Variants in KIAA1958 observed in about 807,000 individuals in gnomAD.
The protein encoded by KIAA1958 is KIAA1958.
KIAA1958 carries 14 observed loss-of-function variants against 47.2 expected under a neutral mutation model. The ratio of observed to expected loss-of-function variants is 0.30; its 90% CI spans 0.20 to 0.46. The LOEUF (loss-of-function observed/expected upper bound fraction) is 0.46. Ranked by LOEUF, KIAA1958 falls within the 20% of genes least tolerant of loss-of-function variation. The pLI, the probability that KIAA1958 is intolerant of heterozygous loss-of-function variation, is 1.00. For missense variants in KIAA1958, 803 were observed against 909.2 expected (o/e 0.88, Z 1.50); for synonymous variants, 354 against 353.3 (o/e 1.00, Z -0.02).
intron 2 of KIAA1958, among the ~76,000 whole-genome samples, chr9:112,640,182 C>T (rs1021034629): frequency 1.3e-5 from 2 of 152,170 alleles, no homozygotes; most frequent in African/African-American, 4.8e-5. Flanking sequence ...ATTTAAAGTT[C>T]TGCTAGCCAG....
chr9:112,613,605 A>G (rs1468770250), intron 2 of KIAA1958, among the ~76,000 whole-genome samples: 3 of 147,816 alleles, frequency 2.0e-5, no homozygotes, highest in Non-Finnish European at 4.5e-5. Flanking sequence ...CATATCTAGA[A>G]TATGTTAAAA....
intron 2 of KIAA1958, among the ~76,000 whole-genome samples, chr9:112,626,711 C>T (rs1349709422): frequency 2.6e-5 from 4 of 151,840 alleles, no homozygotes; most frequent in Admixed American, 6.6e-5. Context: ...TATTAACCCA[C>T]TCAGATTAAC....
At chr9:112,621,128 GAC>G (rs1414593342) in intron 2 of KIAA1958, among the ~76,000 whole-genome samples, 2 of 152,172 alleles carry the variant, frequency 1.3e-5, no homozygotes, top group Non-Finnish European at 2.9e-5. Flanking sequence ...CAGAGCTGGG[GAC>G]ACAGTGTCTT....
chr9:112,551,580 A>G lies in KIAA1958; in HGVS notation c.-24-22477A>G, dbSNP rs182372612. On this transcript the variant is annotated intron_variant, in intron 1 of 3. Transcript: ENST00000337530. ...AATTGAAACTGTGCTAATCCTTAAA[A>G]TGTAAAAGAAGTGACTTGAGTACTC... Among the ~76,000 whole-genome samples, 166 of 152,384 alleles carry G rather than the reference A, an allele frequency of 1.1e-3. 1 individual carries two copies. The highest frequency in any genetic ancestry group is 3.9e-3 in the African/African-American group (161 of 41,600).
rs764041099 is a variant in KIAA1958 at position 112,618,901 on chromosome 9, C to A, written c.1172-26749C>A. 2.0e-6 allele frequency: 3 copies of A among 1,537,462 alleles called. No homozygotes were observed. Among genetic ancestry groups the A allele is most frequent in the Non-Finnish European group, 8.8e-7 (1 of 1,137,442 alleles). ...TCGTCTCCGCCTCCTATGACTCTTC[C>A]TCAGACACCGCTTGACCAGGTGGCT... is the stretch of plus-strand genomic sequence containing the variant. On this transcript the variant is annotated intron_variant, in intron 2 of 3. Transcript: ENST00000337530. This position sits in a 1 kb window ranked among gnomAD's most constrained non-coding sequence, Gnocchi z 7.1.
chr9:112,637,730 A>G (rs1836827934), intron 2 of KIAA1958, among the ~76,000 whole-genome samples: 1 of 151,972 alleles, frequency 6.6e-6, no homozygotes, highest in African/African-American at 2.4e-5. Flanking sequence ...ACTTGTAGCA[A>G]TTTTCTTTTA....
intron 1 of KIAA1958, among the ~76,000 whole-genome samples, chr9:112,551,984 T>C (rs1276576455): frequency 6.6e-6 from 1 of 152,210 alleles, no homozygotes; most frequent in Non-Finnish European, 1.5e-5. Flanking sequence ...AGTCTCATGT[T>C]TCCAGCATCT....
At chr9:112,565,623 T>C (rs1835415156) in intron 1 of KIAA1958, among the ~76,000 whole-genome samples, 1 of 152,220 alleles carries the variant, frequency 6.6e-6, no homozygotes, top group Non-Finnish European at 1.5e-5. Context: ...AATACCTTGA[T>C]TGTCTTATTG....
chr9:112,515,271 C>A (rs1276245797), intron 1 of KIAA1958, among the ~76,000 whole-genome samples: 1 of 112,674 alleles, frequency 8.9e-6, no homozygotes, highest in Non-Finnish European at 1.9e-5. Flanking sequence ...GGGGGGTCAG[C>A]CCCCCTGCCC....
intron 2 of KIAA1958, among the ~76,000 whole-genome samples, chr9:112,607,359 C>T (rs1053226619): frequency 2.0e-5 from 3 of 151,348 alleles, no homozygotes; most frequent in Non-Finnish European, 4.4e-5. Flanking sequence ...AAAAAAAAGG[C>T]GTGGGAATGT....
chr9:112,599,880 A>G (rs1836100452), intron 2 of KIAA1958, among the ~76,000 whole-genome samples: 1 of 152,224 alleles, frequency 6.6e-6, no homozygotes, highest in Non-Finnish European at 1.5e-5. Flanking sequence ...TCTCTGGCAT[A>G]TAATAAAAAA....
chr9:112,618,555 A>G lies in KIAA1958; in HGVS notation c.1172-27095A>G. 6.4e-7 allele frequency: 1 copy of G among 1,550,714 alleles called. No individual in the cohort carries two copies. The highest frequency in any genetic ancestry group is 8.7e-7 in the Non-Finnish European group (1 of 1,147,012). The stretch of plus-strand genomic sequence containing the variant: ...GCCCCACAGACCTGCCCTGTCCAGG[A>G]CTATAAGGAGTATGCCCAGCGGCGG... On this transcript the variant is annotated intron_variant, in intron 2 of 3. Transcript: ENST00000337530. The surrounding 1 kb of genome is among the most constrained non-coding windows in gnomAD (Gnocchi z 7.1).
At chr9:112,522,346 TCTTAC>T (rs1406855532) in intron 1 of KIAA1958, among the ~76,000 whole-genome samples, 1 of 152,192 alleles carries the variant, frequency 6.6e-6, no homozygotes, top group Non-Finnish European at 1.5e-5. Flanking sequence ...AGATAAGGGA[TCTTAC>T]TCTTTTTTAG....
rs866863635 is a variant in KIAA1958 at position 112,563,087 on chromosome 9, A to C, written c.-24-10970A>C. The stretch of plus-strand genomic sequence containing the variant: ...TCTGTCTCTCTCTCTCTCTCTCTCT[A>C]TATATATATATAAATTTTTTTTAAT... On this transcript the variant is annotated intron_variant, in intron 1 of 3. Transcript: ENST00000337530. Among the ~76,000 whole-genome samples the C allele has an allele frequency of 3.4e-3, 239 of 69,842 alleles. 1 individual carries two copies. The highest frequency in any genetic ancestry group is 0.011 in the East Asian group (27 of 2,432). 45.8% of individuals were successfully genotyped at this position (69,842 alleles called of 152,430 possible).
chr9:112,561,607 CA>C (rs1219043717), intron 1 of KIAA1958, among the ~76,000 whole-genome samples: 13 of 152,148 alleles, frequency 8.5e-5, no homozygotes, highest in Non-Finnish European at 1.8e-4. Flanking sequence ...GTAATCCCAG[CA>C]CTCTGGGAGG....
chr9:112,547,481 G>A (rs752293826), intron 1 of KIAA1958, among the ~76,000 whole-genome samples: 1 of 151,780 alleles, frequency 6.6e-6, no homozygotes, highest in Admixed American at 6.6e-5. Context: ...AAACTAGTTC[G>A]GGCCATGATG....
chr9:112,618,223 A>G lies in KIAA1958; in HGVS notation c.1172-27427A>G. On this transcript the variant is annotated intron_variant, in intron 2 of 3. Coordinates refer to ENST00000337530, the MANE Select transcript of KIAA1958 (RefSeq NM_133465.4). This position sits in a 1 kb window ranked among gnomAD's most constrained non-coding sequence, Gnocchi z 7.1. ...AGAAGCAAATTGAACTCCGCTGTAA[A>G]GGAAAAGGAAATAAGCCACACAAGT... 3.2e-6 allele frequency: 5 copies of G among 1,550,730 alleles called. No homozygotes were observed. In the South Asian group the frequency reaches 4.8e-5, roughly 15 times the overall value.
intron 2 of KIAA1958, chr9:112,617,821 T>G (rs749954173): frequency 7.2e-7 from 1 of 1,391,018 alleles, no homozygotes; most frequent in Admixed American, 2.3e-5. Context: ...AAGTGCATTG[T>G]CTGAACTCAT....
rs1837266704 is a variant in KIAA1958, at chr9:112,660,909, G to C, written c.*840G>C. 1 of 152,196 alleles carries C rather than the reference G, an allele frequency of 6.6e-6. No individual in the cohort carries two copies. The highest frequency in any genetic ancestry group is 2.4e-5 in the African/African-American group (1 of 41,428). The allele number at this position is 152,196 out of a possible 1,614,324, so 9.4% of individuals were successfully genotyped here. A position where few individuals can be genotyped will look rare whatever the true frequency, so the allele number is the denominator to read the frequency against. On this transcript the variant is annotated 3_prime_UTR_variant, in exon 4 of 4. Transcript: ENST00000337530. Reference sequence around the variant, plus strand: ...CCTATGTTTTATTTCTCAGCACCATGTGAGAGCTCCTTTGATTGGAACATT... The same window carrying C: ...CCTATGTTTTATTTCTCAGCACCATCTGAGAGCTCCTTTGATTGGAACATT...
Sources: gnomAD v4.1 joint callset for allele counts (sites outside exome capture counted in the v4.1 genomes callset) on GRCh38, gnomAD v4.1.1 for gene constraint, Gnocchi (gnomAD v3.1) non-coding constraint, MANE v1.5 for transcripts, NCBI Gene and HGNC (gene_info 2026-07-23, HGNC 2026-07-21) for gene names.